FRMD4A: variants seen among roughly 807,000 people sequenced by gnomAD.
FRMD4A encodes the protein FERM domain-containing protein 4A.
Under a neutral mutation model 129.1 loss-of-function variants are expected in FRMD4A, and 29 were observed. That is an observed-to-expected ratio of 0.22 (90% CI 0.17 to 0.31). The LOEUF is 0.31. Ranked by LOEUF, FRMD4A falls within the 10% of genes least tolerant of loss-of-function variation. The pLI, the probability that FRMD4A is intolerant of heterozygous loss-of-function variation, is 1.00. For missense variants in FRMD4A, 1,272 were observed against 1,375.8 expected (o/e 0.92, Z 1.19); for synonymous variants, 634 against 571.6 (o/e 1.11, Z -1.56).
intron 2 of FRMD4A, among the ~76,000 whole-genome samples, chr10:14,094,859 G>A (rs1346650596): frequency 6.6e-6 from 1 of 152,198 alleles, no homozygotes; most frequent in Non-Finnish European, 1.5e-5. Flanking sequence ...CATGCCAAGT[G>A]TGCATGTGTG....
Position 13,816,839 on chromosome 10 carries a change from G to A in FRMD4A, c.112-5931C>T, listed in dbSNP as rs372611005. Among the ~76,000 whole-genome samples, 3 of 152,316 alleles carry A rather than the reference G, an allele frequency of 2.0e-5. No homozygotes were observed. The East Asian group carries it at 5.8e-4, about 29-fold the overall frequency. On this transcript the variant is annotated intron_variant, in intron 3 of 24. Coordinates refer to ENST00000357447, the MANE Select transcript of FRMD4A (RefSeq NM_018027.5). ...CCAATCGCATTCTATTGGACAATCTGGGCAGGAGCCCAGAGGCCACGTGAG... is the reference window on the plus strand; with the variant it reads ...CCAATCGCATTCTATTGGACAATCTAGGCAGGAGCCCAGAGGCCACGTGAG...
intron 2 of FRMD4A, among the ~76,000 whole-genome samples, chr10:14,293,726 C>G (rs1845920756): frequency 6.6e-6 from 1 of 152,090 alleles, no homozygotes; most frequent in Non-Finnish European, 1.5e-5. Context: ...ATTCTCAGAT[C>G]CAACAATTCC....
At position 13,729,721 on chromosome 10, in the gene FRMD4A, GA is replaced by G. The variant is rs551928049; in HGVS notation, c.759+8122del. On this transcript the variant is annotated intron_variant, in intron 12 of 24. Transcript: ENST00000357447. ...TTCCTTCTCCTAATGCCTCAGAGGG[GA>G]CCCCATAGTGCTCCTAATTGTGCAT... Among the ~76,000 whole-genome samples the G allele has an allele frequency of 5.3e-5, 8 of 152,214 alleles. No individual in the cohort carries two copies. The South Asian group carries it at 1.7e-3, about 32-fold the overall frequency.
At chr10:13,884,029 G>A (rs1349756269) in intron 2 of FRMD4A, among the ~76,000 whole-genome samples, 1 of 151,678 alleles carries the variant, frequency 6.6e-6, no homozygotes, top group African/African-American at 2.4e-5. Flanking sequence ...AAATTGACAC[G>A]TTGACTTCTC....
intron 6 of FRMD4A, among the ~76,000 whole-genome samples, chr10:13,773,905 A>T (rs1307212271): frequency 6.6e-6 from 1 of 152,224 alleles, no homozygotes; most frequent in Non-Finnish European, 1.5e-5. Flanking sequence ...AGAGGAGCAG[A>T]TGGAAAAGGC....
intron 2 of FRMD4A, among the ~76,000 whole-genome samples, chr10:14,159,585 C>T (rs1840774068): frequency 6.6e-6 from 1 of 152,134 alleles, no homozygotes; most frequent in Non-Finnish European, 1.5e-5. Flanking sequence ...AATTCAATCC[C>T]TATCCAAATA....
intron 2 of FRMD4A, among the ~76,000 whole-genome samples, chr10:13,883,539 T>G (rs1203745796): frequency 6.6e-6 from 1 of 152,176 alleles, no homozygotes; most frequent in African/African-American, 2.4e-5. Flanking sequence ...ACTGTGTTTT[T>G]GCATACTATT....
chr10:14,161,077 C>T (rs1405616954), intron 2 of FRMD4A, among the ~76,000 whole-genome samples: 7 of 152,222 alleles, frequency 4.6e-5, no homozygotes, highest in Non-Finnish European at 8.8e-5. Context: ...GCCTCAGCCC[C>T]CCGAGTCGCT....
At chr10:14,160,631 G>A (rs990204867) in intron 2 of FRMD4A, among the ~76,000 whole-genome samples, 2 of 152,156 alleles carry the variant, frequency 1.3e-5, no homozygotes, top group African/African-American at 4.8e-5. Flanking sequence ...TGTGGGCAAA[G>A]GATCTGAGTA....
At chr10:14,326,133 A>T (rs1022008579) in intron 2 of FRMD4A, 7 of 152,158 alleles carry the variant, frequency 4.6e-5, no homozygotes, top group Admixed American at 2.6e-4. Flanking sequence ...ATAAAAAAAT[A>T]TTTTTTCTTG....
At chr10:14,185,570 C>T (rs78709468) in intron 2 of FRMD4A, among the ~76,000 whole-genome samples, 29 of 152,198 alleles carry the variant, frequency 1.9e-4, no homozygotes, top group East Asian at 3.9e-4. Context: ...TTTAAAGGTT[C>T]AATCTCGTCT....
chr10:14,173,156 G>T (rs1234943964), intron 2 of FRMD4A, among the ~76,000 whole-genome samples: 1 of 152,110 alleles, frequency 6.6e-6, no homozygotes, highest in East Asian at 1.9e-4. Context: ...AGATCTATTT[G>T]CCCCTTGATT....
intron 4 of FRMD4A, among the ~76,000 whole-genome samples, chr10:13,805,837 C>T (rs1276740631): frequency 1.3e-5 from 2 of 149,988 alleles, no homozygotes; most frequent in East Asian, 2.0e-4. Context: ...TACAACTGTG[C>T]ACCACCATGC....
At chr10:14,184,890 G>A (rs935786870) in intron 2 of FRMD4A, among the ~76,000 whole-genome samples, 3 of 152,276 alleles carry the variant, frequency 2.0e-5, no homozygotes, top group East Asian at 3.9e-4. Context: ...AACTGCGTGG[G>A]TACTGCGATG....
intron 2 of FRMD4A, among the ~76,000 whole-genome samples, chr10:13,911,345 C>T (rs917518766): frequency 6.6e-6 from 1 of 152,156 alleles, no homozygotes; most frequent in Non-Finnish European, 1.5e-5. Context: ...AAGTTCAGTT[C>T]ATATTATGAA....
rs1339886966 is a variant in FRMD4A at position 13,700,105 on chromosome 10, TTTC to T, written c.975+1232_975+1234del. On this transcript the variant is annotated intron_variant, in intron 14 of 24. Transcript: ENST00000357447. ...ATTGTTTCATTTCGTCCTGTCCTCT[TTTC>T]TTCTTTTTTTTTTCTTTTAGTAGAG... 5.9e-5 allele frequency among the ~76,000 whole-genome samples: 9 copies of T among 151,706 alleles called. No individual in the cohort carries two copies. In the East Asian group the frequency reaches 9.7e-4, roughly 16 times the overall value.
At chr10:14,279,626 T>A (rs539215611) in intron 2 of FRMD4A, among the ~76,000 whole-genome samples, 31 of 152,230 alleles carry the variant, frequency 2.0e-4, no homozygotes, top group Non-Finnish European at 4.1e-4. Flanking sequence ...TTACCTTAAT[T>A]GTGATTTGGA....
intron 2 of FRMD4A, among the ~76,000 whole-genome samples, chr10:13,964,763 C>T (rs969262414): frequency 1.4e-4 from 21 of 151,598 alleles, no homozygotes; most frequent in Non-Finnish European, 2.4e-4. Flanking sequence ...CCTCTGCCTC[C>T]CTGCAACCTC....
chr10:14,072,803 T>G (rs577641925), intron 2 of FRMD4A, among the ~76,000 whole-genome samples: 2 of 152,144 alleles, frequency 1.3e-5, no homozygotes, highest in South Asian at 2.1e-4. Context: ...TAAAGGAAAA[T>G]GAGGTGAGAT....
Sources: gnomAD v4.1 joint callset for allele counts (sites outside exome capture counted in the v4.1 genomes callset) on GRCh38, gnomAD v4.1.1 for gene constraint, MANE v1.5 for transcripts, NCBI Gene and HGNC (gene_info 2026-07-23, HGNC 2026-07-21) for gene names.